The following NHLRC2 variants were observed in gnomAD, a reference collection of about 807,000 sequenced individuals.
NHLRC2 encodes NHL repeat containing 2.
In NHLRC2, 33 loss-of-function variants were observed where a neutral mutation model predicts 68.1. That is an observed-to-expected ratio of 0.48 (90% confidence interval 0.37 to 0.65). NHLRC2 has a LOEUF of 0.65. Ranked by LOEUF, NHLRC2 falls within the 30% of genes least tolerant of loss-of-function variation. The pLI, the probability that NHLRC2 is intolerant of heterozygous loss-of-function variation, is 0.00. For missense variants in NHLRC2, 761 were observed against 853.8 expected (o/e 0.89, Z 1.35); for synonymous variants, 311 against 309.6 (o/e 1.00, Z -0.05).
At chr10:113,896,878 C>T (rs1846182565) in intron 5 of NHLRC2, among the ~76,000 whole-genome samples, 1 of 151,572 alleles carries the variant, frequency 6.6e-6, no homozygotes, top group African/African-American at 2.4e-5. Context: ...CCTGTAGTCC[C>T]AGCTACTCGG....
Position 113,854,688 on chromosome 10 carries a change from C to G in NHLRC2, c.-185C>G, listed in dbSNP as rs1845722584. Reference sequence around the variant, plus strand: ...TTTAATTACGTCCCCGGGAACTGCGCCGATTTGGACTTTTGGCACTTGGAC... The same window carrying G: ...TTTAATTACGTCCCCGGGAACTGCGGCGATTTGGACTTTTGGCACTTGGAC... On this transcript the variant is annotated 5_prime_UTR_variant, in exon 1 of 11. Coordinates refer to ENST00000369301, the MANE Select transcript of NHLRC2 (RefSeq NM_198514.4). 1.6e-5 allele frequency: 9 copies of G among 565,260 alleles called. No homozygotes were observed. The East Asian group carries it at 2.7e-4, about 17-fold the overall frequency. 35.0% of individuals were successfully genotyped at this position (565,260 alleles called of 1,614,324 possible). A position where few individuals can be genotyped will look rare whatever the true frequency, so the allele number is the denominator to read the frequency against.
rs987345736 is a variant in NHLRC2, at chr10:113,876,524, GTCT to G, written c.340_342del (p.Leu114del). The G allele has an allele frequency of 5.8e-6, 9 of 1,562,450 alleles. No homozygotes were observed. In the East Asian group the frequency reaches 6.8e-5, roughly 12 times the overall value. On this transcript the variant is annotated inframe_deletion, in exon 3 of 11. Coordinates refer to ENST00000369301, the MANE Select transcript of NHLRC2 (RefSeq NM_198514.4). ...ACATATAATTTTTTCCTTTCAGATG[GTCT>G]TCTTATTATTGGTGTTCACTCGGCT...
Position 113,884,324 on chromosome 10 carries a change from C to T in NHLRC2, c.983C>T (p.Ala328Val). Residue 328 changes from alanine to valine, a missense_variant, in exon 5 of 11, where the codon GCA becomes GTA. Coordinates refer to ENST00000369301, the MANE Select transcript of NHLRC2 (RefSeq NM_198514.4). The part of the protein sequence containing the change: ...GIQGTDKEGG[A>V]KGEQQPISSP... ...CAAGGTACAGATAAAGAAGGTGGAGCAAAAGGAGAACAACAACCCATTAGT... is the reference window on the plus strand; with the variant it reads ...CAAGGTACAGATAAAGAAGGTGGAGTAAAAGGAGAACAACAACCCATTAGT... 6.2e-7 allele frequency: 1 copy of T among 1,610,474 alleles called. No homozygotes were observed. The highest frequency in any genetic ancestry group is 8.5e-7 in the Non-Finnish European group (1 of 1,177,334).
At chr10:113,880,983 A>G (rs1171928917) in intron 4 of NHLRC2, among the ~76,000 whole-genome samples, 2 of 151,934 alleles carry the variant, frequency 1.3e-5, no homozygotes, top group Non-Finnish European at 2.9e-5. Context: ...TCTGTGCAGC[A>G]TTTCTAAACT....
intron 2 of NHLRC2, among the ~76,000 whole-genome samples, chr10:113,859,741 G>A (rs1845798495): frequency 6.6e-6 from 1 of 151,406 alleles, no homozygotes; most frequent in African/African-American, 2.5e-5. Flanking sequence ...GTTATGTGCA[G>A]GGTACTCTGC....
chr10:113,892,141 C>T (rs954995872), intron 5 of NHLRC2, among the ~76,000 whole-genome samples: 15 of 152,102 alleles, frequency 9.9e-5, no homozygotes, highest in African/African-American at 3.1e-4. Context: ...GAGAATTTCA[C>T]GGATGCTCTT....
chr10:113,913,812 T>G lies in NHLRC2; in HGVS notation c.*5276T>G, dbSNP rs537029798. Reference sequence around the variant, plus strand: ...TAAAGTTTTCACCATGGTCAACCTATTCCAGCATTAGGTACTTTTTGTTGT... The same window carrying G: ...TAAAGTTTTCACCATGGTCAACCTAGTCCAGCATTAGGTACTTTTTGTTGT... On this transcript the variant is annotated 3_prime_UTR_variant, in exon 11 of 11. Transcript: ENST00000369301. 2.0e-5 allele frequency: 3 copies of G among 152,292 alleles called. No individual in the cohort carries two copies. The highest frequency in any genetic ancestry group is 3.9e-4 in the East Asian group (2 of 5,184). 9.4% of individuals were successfully genotyped at this position (152,292 alleles called of 1,614,324 possible).
chr10:113,903,499 A>T (rs1327502247), intron 8 of NHLRC2, 28 bp from the exon 9 acceptor site: 4 of 1,364,240 alleles, frequency 2.9e-6, no homozygotes, highest in African/African-American at 1.4e-5. Context: ...ATCTTCAGTT[A>T]TATAAGTTTT....
intron 5 of NHLRC2, among the ~76,000 whole-genome samples, chr10:113,886,798 A>G (rs1204279541): frequency 6.6e-6 from 1 of 152,222 alleles, no homozygotes; most frequent in Non-Finnish European, 1.5e-5. Flanking sequence ...GCTCCACAGC[A>G]TTGATCTGGG....
chr10:113,863,655 G>T, intron 2 of NHLRC2, among the ~76,000 whole-genome samples: 1 of 151,998 alleles, frequency 6.6e-6, no homozygotes. Context: ...TAATAGAAAA[G>T]ATCAATTTGG....
intron 1 of NHLRC2, 25 bp from the exon 2 acceptor site, chr10:113,858,503 G>C (rs981979373): frequency 6.6e-7 from 1 of 1,507,488 alleles, no homozygotes; most frequent in Admixed American, 1.9e-5. Context: ...TTTAATCATT[G>C]TAATTTATTT....
intron 2 of NHLRC2, among the ~76,000 whole-genome samples, chr10:113,873,653 C>T (rs1479672545): frequency 6.6e-6 from 1 of 152,094 alleles, no homozygotes; most frequent in Non-Finnish European, 1.5e-5. Flanking sequence ...CTCCTGATGG[C>T]AGGTCAGGCA....
rs767727175 is a variant in NHLRC2 at position 113,901,831 on chromosome 10, A to C, written c.1305A>C (p.Thr435=). 4.3e-6 allele frequency: 7 copies of C among 1,614,170 alleles called. No individual in the cohort carries two copies. The highest frequency in any genetic ancestry group is 5.9e-6 in the Non-Finnish European group (7 of 1,180,006). ...TTGTAGCAGATAGTGAGAGCAGTAC[A>C]GTGAGAACCGTTTCACTGAAAGATG... ...CLFVADSESS[T]VRTVSLKDGA... Residue 435 remains threonine, a synonymous_variant, in exon 7 of 11, where the codon ACA becomes ACC. Transcript: ENST00000369301.
chr10:113,876,906 A>G lies in NHLRC2; in HGVS notation c.717A>G (p.Val239=). The G allele has an allele frequency of 1.2e-6, 2 of 1,612,570 alleles. No individual in the cohort carries two copies. Among genetic ancestry groups the G allele is most frequent in the South Asian group, 2.2e-5 (2 of 90,890 alleles). Residue 239 remains valine, a synonymous_variant, in exon 3 of 11, where the codon GTA becomes GTG. Coordinates refer to ENST00000369301, the MANE Select transcript of NHLRC2 (RefSeq NM_198514.4). The part of the protein sequence containing the change: ...VTVDQVTDRL[V]IADTGHHRIL... ...TAGACCAAGTTACTGATAGATTGGT[A>G]ATAGCAGACACTGGACATCATAGAA...
chr10:113,879,255 G>A (rs1846014849), intron 3 of NHLRC2, among the ~76,000 whole-genome samples: 1 of 152,036 alleles, frequency 6.6e-6, no homozygotes, highest in Non-Finnish European at 1.5e-5. Context: ...TTTCAAAATT[G>A]TTAAAAATTA....
chr10:113,864,694 TAA>T (rs71007440), intron 2 of NHLRC2, among the ~76,000 whole-genome samples: 137 of 140,500 alleles, frequency 9.8e-4, no homozygotes, highest in East Asian at 2.3e-3. Context: ...AGACTCCGTC[TAA>T]AAAAAAAAAA....
intron 5 of NHLRC2, among the ~76,000 whole-genome samples, chr10:113,889,603 T>C (rs1846113589): frequency 6.6e-6 from 1 of 152,224 alleles, no homozygotes; most frequent in Non-Finnish European, 1.5e-5. Context: ...CAGTAAAATT[T>C]ACCCTTATTA....
At chr10:113,897,960 C>G (rs541208725) in intron 5 of NHLRC2, 150 bp from the exon 6 acceptor site, 2 of 438,464 alleles carry the variant, frequency 4.6e-6, no homozygotes, top group East Asian at 8.0e-5. Context: ...ACAAAATTTT[C>G]AAAGATAACT....
At position 113,876,608 on chromosome 10, in the gene NHLRC2, A is replaced by G. The variant is rs373532781; in HGVS notation, c.419A>G (p.Asn140Ser). Reference sequence around the variant, plus strand: ...ATTAAGAGTGCTGTTCTTCGATACAACATCACCCACCCTATGGTTAATGAT... The same window carrying G: ...ATTAAGAGTGCTGTTCTTCGATACAGCATCACCCACCCTATGGTTAATGAT... Reference protein sequence around the residue: ...DNIKSAVLRYNITHPMVNDAD... With the variant: ...DNIKSAVLRYSITHPMVNDAD... Residue 140 changes from asparagine to serine, a missense_variant, in exon 3 of 11, where the codon AAC becomes AGC. Asn to Ser is a conservative substitution (Grantham distance 46). Coordinates refer to ENST00000369301, the MANE Select transcript of NHLRC2 (RefSeq NM_198514.4). 3.7e-4 allele frequency: 593 copies of G among 1,613,448 alleles called. 4 individuals are homozygous for G. In the South Asian group the frequency reaches 6.0e-3, roughly 16 times the overall value.
Sources: allele counts gnomAD v4.1 joint callset (sites outside exome capture counted in the v4.1 genomes callset), GRCh38; gene constraint gnomAD v4.1.1; transcripts MANE v1.5; gene names NCBI Gene and HGNC (gene_info 2026-07-23, HGNC 2026-07-21).